CCDC39: variants seen among roughly 807,000 people sequenced by gnomAD.
The protein encoded by CCDC39 is coiled-coil domain-containing protein 39.
CCDC39 carries 113 observed loss-of-function variants against 121.0 expected under a neutral mutation model. That is an observed-to-expected ratio of 0.93 (90% CI 0.80 to 1.09). The LOEUF (loss-of-function observed/expected upper bound fraction) is 1.09. Among genes scored for constraint, CCDC39 ranks in the 50% least tolerant of loss-of-function variants. The pLI is 0.00. For synonymous variants in CCDC39, 349 were observed against 352.2 expected, an observed-to-expected ratio of 0.99 and a Z score of 0.10; for missense variants, 1,063 against 1,074.7, an observed-to-expected ratio of 0.99 and a Z score of 0.15.
chr3:180,647,649 T>C (rs1241213957), intron 10 of CCDC39, among the ~76,000 whole-genome samples: 1 of 152,136 alleles, frequency 6.6e-6, no homozygotes, highest in African/African-American at 2.4e-5. Context: ...TAATTATTCT[T>C]AATATTATAC....
chr3:180,649,763 A>C (rs982723096), intron 9 of CCDC39, among the ~76,000 whole-genome samples: 31 of 152,218 alleles, frequency 2.0e-4, no homozygotes, highest in Admixed American at 1.9e-3. Flanking sequence ...TTTCTAATTT[A>C]GCCAGTTCTT....
At chr3:180,630,115 G>A (rs924646746) in intron 14 of CCDC39, among the ~76,000 whole-genome samples, 27 of 152,168 alleles carry the variant, frequency 1.8e-4, no homozygotes, top group Non-Finnish European at 3.4e-4. Flanking sequence ...TACCGAAGCA[G>A]TGGTAGGATA....
intron 11 of CCDC39, among the ~76,000 whole-genome samples, chr3:180,646,550 TC>T (rs1718072126): frequency 6.6e-6 from 1 of 152,130 alleles, no homozygotes; most frequent in Non-Finnish European, 1.5e-5. Context: ...TCCAATCATT[TC>T]AAATATTATA....
At chr3:180,664,931 C>T (rs1298592917) in intron 1 of CCDC39, among the ~76,000 whole-genome samples, 1 of 151,408 alleles carries the variant, frequency 6.6e-6, no homozygotes, top group African/African-American at 2.4e-5. Context: ...TGGTCTCGAA[C>T]TCCTGACCTT....
chr3:180,670,454 C>T (rs73885321), intron 1 of CCDC39, among the ~76,000 whole-genome samples: 5,748 of 151,938 alleles, frequency 0.038, 371 homozygotes, highest in African/African-American at 0.13. Context: ...TTCTCACCTA[C>T]AAGTAAAATG....
intron 14 of CCDC39, 67 bp downstream of exon 14, chr3:180,631,402 G>T: frequency 7.3e-7 from 1 of 1,371,542 alleles, no homozygotes; most frequent in Non-Finnish European, 1.0e-6. Context: ...TAAATTCAGA[G>T]GATTATGATG....
In CCDC39 at chr3:180,616,837, CTCTT is replaced by C. The variant is rs749280773; in HGVS notation, c.2391_2394del (p.Arg798Ter). ...AAAGATATCGATACCTGTTTGGTCA[CTCTT>C]TCTAATTTTGGCTTCTGCTCCTCCG... On this transcript the variant is annotated frameshift_variant, in exon 17 of 20. Transcript: ENST00000476379. LOFTEE classifies it high-confidence loss of function. The C allele has an allele frequency of 3.1e-6, 5 of 1,610,310 alleles. No individual in the cohort carries two copies. The highest frequency in any genetic ancestry group is 2.2e-5 in the East Asian group (1 of 44,758).
At chr3:180,651,052 A>G (rs974284103) in intron 9 of CCDC39, among the ~76,000 whole-genome samples, 11 of 151,728 alleles carry the variant, frequency 7.2e-5, no homozygotes, top group African/African-American at 2.2e-4. Flanking sequence ...AAAATTAGCC[A>G]GGCGTGGTTG....
chr3:180,644,733 A>G (rs1030570258), intron 11 of CCDC39, among the ~76,000 whole-genome samples: 3 of 152,236 alleles, frequency 2.0e-5, no homozygotes, highest in Non-Finnish European at 2.9e-5. Context: ...TAGTTGTTAC[A>G]CTATATCATT....
At position 180,619,822 on chromosome 3, in the gene CCDC39, A is replaced by G. The variant is rs752148109; in HGVS notation, c.2147T>C (p.Val716Ala). Residue 716 changes from valine (V) to alanine (A), a missense_variant, in exon 15 of 20, where the codon GTG (valine) becomes GCG (alanine). Physicochemically the swap from Val to Ala is moderately conservative, Grantham distance 64 (BLOSUM62 0). Transcript: ENST00000476379. ...NNNYKQSFKK[V>A]TPSSDEYELK... Reference sequence around the variant, plus strand: ...TAACTCCTACATACTAGATGGAGTCACTTTTTTAAAAGATTGCTTATAATT... The same window carrying G: ...TAACTCCTACATACTAGATGGAGTCGCTTTTTTAAAAGATTGCTTATAATT... 2 of 1,589,474 alleles carry G rather than the reference A, an allele frequency of 1.3e-6. No individual in the cohort carries two copies. The highest frequency in any genetic ancestry group is 2.3e-5 in the South Asian group (2 of 86,968).
chr3:180,678,336 A>G (rs921625844), intron 1 of CCDC39, among the ~76,000 whole-genome samples: 25 of 152,178 alleles, frequency 1.6e-4, no homozygotes, highest in African/African-American at 5.5e-4. Context: ...ATTGTTTTCA[A>G]AAGGTAGAGT....
intron 1 of CCDC39, among the ~76,000 whole-genome samples, chr3:180,676,012 T>G (rs1263233385): frequency 1.3e-5 from 2 of 152,282 alleles, no homozygotes; most frequent in East Asian, 1.9e-4. Context: ...ATTAAAGACT[T>G]AAATGTTAGA....
In CCDC39 at chr3:180,654,564, G is replaced by A. The variant is rs376405749; in HGVS notation, c.930+198C>T. Among the ~76,000 whole-genome samples, 136 of 149,364 alleles carry A rather than the reference G, an allele frequency of 9.1e-4. 1 individual carries two copies. Among genetic ancestry groups the A allele is most frequent in the African/African-American group, 3.2e-3 (128 of 40,606 alleles). ...TTACCTGTGATGTGAATGGCGCCCC[G>A]TGGTGCTTAATCAGGGGTTTAATCA... On this transcript the variant is annotated intron_variant, in intron 7 of 19. Coordinates refer to ENST00000476379, the MANE Select transcript of CCDC39 (RefSeq NM_181426.2).
intron 2 of CCDC39, among the ~76,000 whole-genome samples, chr3:180,662,821 A>T (rs1711775490): frequency 6.6e-6 from 1 of 152,206 alleles, no homozygotes; most frequent in Admixed American, 6.5e-5. Flanking sequence ...TGAAATACTT[A>T]TCTATATTGA....
chr3:180,659,144 C>T (rs747270959), intron 6 of CCDC39, among the ~76,000 whole-genome samples: 2 of 152,096 alleles, frequency 1.3e-5, no homozygotes, highest in East Asian at 1.9e-4. Flanking sequence ...ATCCAAGGGA[C>T]CTTGGACAGC....
intron 1 of CCDC39, among the ~76,000 whole-genome samples, chr3:180,664,607 G>T (rs925532421): frequency 1.3e-5 from 2 of 151,958 alleles, no homozygotes; most frequent in Non-Finnish European, 2.9e-5. Flanking sequence ...AGCGGTAGCA[G>T]ATCTACTCAA....
intron 10 of CCDC39, 96 bp from the exon 11 acceptor site, chr3:180,647,339 T>C: frequency 1.9e-6 from 2 of 1,061,432 alleles, no homozygotes; most frequent in Non-Finnish European, 2.7e-6. Context: ...GACTTTGGAC[T>C]AGGCATTATC....
At chr3:180,647,279 A>G (rs1311740775) in intron 10 of CCDC39, 36 bp from the exon 11 acceptor site, 3 of 1,465,370 alleles carry the variant, frequency 2.0e-6, no homozygotes, top group African/African-American at 1.4e-5. Context: ...TATTACAAAG[A>G]AAAAAAAAGC....
intron 7 of CCDC39, among the ~76,000 whole-genome samples, chr3:180,653,346 G>T (rs73885308): frequency 0.022 from 3,326 of 152,154 alleles, 125 homozygotes; most frequent in African/African-American, 0.076. Context: ...TATAGCCAAG[G>T]ATTATTATTT....
Sources: gnomAD v4.1 joint callset for allele counts (sites outside exome capture counted in the v4.1 genomes callset) on GRCh38, gnomAD v4.1.1 for gene constraint, MANE v1.5 for transcripts, NCBI Gene and HGNC (gene_info 2026-07-23, HGNC 2026-07-21) for gene names.